RAB22A: variants seen among roughly 807,000 people sequenced by gnomAD.
RAB22A encodes the protein RAB22A, member RAS oncogene family.
In RAB22A, 13 loss-of-function variants were observed where a neutral mutation model predicts 30.2. The ratio of observed to expected loss-of-function variants is 0.43; its 90% CI spans 0.28 to 0.68. The LOEUF (loss-of-function observed/expected upper bound fraction) is 0.68, where lower values mean the gene tolerates loss of function less well. RAB22A is among the 30% of genes least tolerant of loss of function. The pLI, the probability that RAB22A is intolerant of heterozygous loss-of-function variation, is 0.18. For missense variants in RAB22A, 177 were observed against 246.8 expected (o/e 0.72, Z 1.89); for synonymous variants, 89 against 87.2 (o/e 1.02, Z -0.11).
chr20:58,313,876 C>G (rs1986281109), intron 2 of RAB22A, among the ~76,000 whole-genome samples: 1 of 152,106 alleles, frequency 6.6e-6, no homozygotes, highest in Admixed American at 6.6e-5. Context: ...CAATGACCAA[C>G]TTGAATAGTT....
intron 2 of RAB22A, among the ~76,000 whole-genome samples, chr20:58,339,591 TGAA>T (rs1986820677): frequency 1.3e-5 from 2 of 152,054 alleles, no homozygotes; most frequent in African/African-American, 4.8e-5. Context: ...AAATATAAAA[TGAA>T]GAACCAGACA....
rs191326797 is a variant in RAB22A, at chr20:58,332,941, A to C, written c.117-10777A>C. 1.1e-4 allele frequency among the ~76,000 whole-genome samples: 17 copies of C among 152,194 alleles called. No homozygotes were observed. In the East Asian group the frequency reaches 3.3e-3, roughly 29 times the overall value. On this transcript the variant is annotated intron_variant, in intron 2 of 6. Coordinates refer to ENST00000244040, the MANE Select transcript of RAB22A (RefSeq NM_020673.3). ...TCTGACTTTTCAGCACAAACAGTGG[A>C]GGTCAGAGTATAATGATACAGCATC...
intron 2 of RAB22A, among the ~76,000 whole-genome samples, chr20:58,316,061 T>C (rs1013453778): frequency 6.6e-6 from 1 of 152,180 alleles, no homozygotes; most frequent in African/African-American, 2.4e-5. Context: ...CATGCTATTC[T>C]CTCTCAGGGC....
intron 3 of RAB22A, among the ~76,000 whole-genome samples, chr20:58,344,039 GTAAATGC>G (rs1184563143): frequency 1.3e-5 from 2 of 152,196 alleles, no homozygotes; most frequent in African/African-American, 4.8e-5. Context: ...GTGTCTTAAA[GTAAATGC>G]TGACCAACAG....
At chr20:58,334,332 T>A (rs1986709297) in intron 2 of RAB22A, among the ~76,000 whole-genome samples, 1 of 143,370 alleles carries the variant, frequency 7.0e-6, no homozygotes, top group Non-Finnish European at 1.5e-5. Flanking sequence ...CGAAAGTCCA[T>A]CTCAAAAAAA....
chr20:58,330,878 A>G (rs1986650631), intron 2 of RAB22A, among the ~76,000 whole-genome samples: 1 of 152,120 alleles, frequency 6.6e-6, no homozygotes, highest in Non-Finnish European at 1.5e-5. Flanking sequence ...ACTCCTTGGC[A>G]TCTCCCCAGT....
intron 2 of RAB22A, among the ~76,000 whole-genome samples, chr20:58,338,035 A>AT (rs926754636): frequency 2.1e-4 from 31 of 150,122 alleles, no homozygotes; most frequent in Middle Eastern, 3.4e-3. Flanking sequence ...ATTTTTTTTT[A>AT]TTTTTTTTTG....
rs569346668 is a variant in RAB22A, at chr20:58,360,218, G to A, written c.*515G>A. ...AAATGGGTTATTTATAGGACTGATG[G>A]AAATGATTTCATCTCTGCCATCTCT... On this transcript the variant is annotated 3_prime_UTR_variant, in exon 7 of 7. Coordinates refer to ENST00000244040, the MANE Select transcript of RAB22A (RefSeq NM_020673.3). 6.6e-6 allele frequency: 1 copy of A among 152,614 alleles called. No individual in the cohort carries two copies. The highest frequency in any genetic ancestry group is 2.4e-5 in the African/African-American group (1 of 41,498). The allele number at this position is 152,614 out of a possible 1,614,324, so 9.5% of individuals were successfully genotyped here. A position where few individuals can be genotyped will look rare whatever the true frequency, so the allele number is the denominator to read the frequency against.
At chr20:58,353,186 G>A in intron 3 of RAB22A, 87 bp from the exon 4 acceptor site, 1 of 1,198,184 alleles carries the variant, frequency 8.3e-7, no homozygotes, top group Non-Finnish European at 1.2e-6. Context: ...ATTACTTTTT[G>A]TGCAGGGATA....
intron 2 of RAB22A, among the ~76,000 whole-genome samples, chr20:58,318,371 C>T (rs1986385068): frequency 1.3e-5 from 2 of 152,250 alleles, no homozygotes; most frequent in South Asian, 4.1e-4. Context: ...TTTTTCGTAA[C>T]ATGCATGCAC....
intron 2 of RAB22A, among the ~76,000 whole-genome samples, chr20:58,334,367 C>T (rs908840177): frequency 6.6e-6 from 1 of 151,562 alleles, no homozygotes; most frequent in Non-Finnish European, 1.5e-5. Context: ...TTTTAAGAAG[C>T]TGAATACTGC....
At chr20:58,346,669 A>G (rs1198619220) in intron 3 of RAB22A, among the ~76,000 whole-genome samples, 1 of 152,154 alleles carries the variant, frequency 6.6e-6, no homozygotes, top group African/African-American at 2.4e-5. Context: ...ACCTACCTTC[A>G]TTGACAGAAT....
Position 58,343,736 on chromosome 20 carries a change from G to A in RAB22A, c.135G>A (p.Lys45=). The change falls in exon 3 of 7, where the codon AAG becomes AAA. Residue 45 remains lysine, a synonymous_variant. Transcript: ENST00000244040. Reference sequence around the variant, plus strand: ...TTTATAGGGCATCTTTTATGACCAAGACTGTCCAGTACCAAAATGAGCTAC... The same window carrying A: ...TTTATAGGGCATCTTTTATGACCAAAACTGTCCAGTACCAAAATGAGCTAC... ...NPTIGASFMT[K]TVQYQNELHK... The A allele has an allele frequency of 1.2e-6, 2 of 1,610,468 alleles. No homozygotes were observed. The highest frequency in any genetic ancestry group is 1.3e-5 in the African/African-American group (1 of 74,934).
At chr20:58,329,006 G>A (rs1419898481) in intron 2 of RAB22A, among the ~76,000 whole-genome samples, 4 of 151,638 alleles carry the variant, frequency 2.6e-5, no homozygotes, top group Non-Finnish European at 5.9e-5. Flanking sequence ...CTGGTGACAA[G>A]ATCGCCTCGG....
At chr20:58,340,461 A>G (rs993197940) in intron 2 of RAB22A, among the ~76,000 whole-genome samples, 7 of 152,178 alleles carry the variant, frequency 4.6e-5, no homozygotes, top group African/African-American at 1.4e-4. Context: ...CTGCATTTCA[A>G]TAGTACTTCT....
rs1987272593 is a variant in RAB22A at position 58,363,973 on chromosome 20, A to C, written c.*4270A>C. On this transcript the variant is annotated 3_prime_UTR_variant, in exon 7 of 7. Transcript: ENST00000244040. ...CTCTGCGAATTTCTCTTGACAGCGG[A>C]GTTGCTTGTCTTGACTTCTAATAAT... 1 of 152,662 alleles carries C rather than the reference A, an allele frequency of 6.6e-6. No homozygotes were observed. Among genetic ancestry groups the C allele is most frequent in the South Asian group, 2.1e-4 (1 of 4,838 alleles). 9.5% of individuals were successfully genotyped at this position (152,662 alleles called of 1,614,324 possible). A position where few individuals can be genotyped will look rare whatever the true frequency, so the allele number is the denominator to read the frequency against.
chr20:58,318,765 A>G lies in RAB22A; in HGVS notation c.116+7643A>G, dbSNP rs114512424. On this transcript the variant is annotated intron_variant, in intron 2 of 6. Transcript: ENST00000244040. ...TGCCCTCCCTCCATCTTTCCATTAA[A>G]GTTCTCTCATTGGGAGTCAATGTGC... Among the ~76,000 whole-genome samples, 1,413 of 152,186 alleles carry G rather than the reference A, an allele frequency of 9.3e-3. 21 individuals are homozygous for G. The highest frequency in any genetic ancestry group is 0.031 in the Middle Eastern group (9 of 294).
In RAB22A at chr20:58,316,017, A is replaced by G. The variant is rs574923275; in HGVS notation, c.116+4895A>G. Among the ~76,000 whole-genome samples the G allele has an allele frequency of 1.7e-4, 26 of 152,194 alleles. No homozygotes were observed. In the East Asian group the frequency reaches 1.7e-3, roughly 10 times the overall value. On this transcript the variant is annotated intron_variant, in intron 2 of 6. Transcript: ENST00000244040. ...GCTCACTTCCTCCCCAGCACACACC[A>G]AGCAGCACCCGTTCCACACCTGGGT... is the stretch of plus-strand genomic sequence containing the variant.
intron 2 of RAB22A, among the ~76,000 whole-genome samples, chr20:58,323,795 T>C (rs1046571774): frequency 6.6e-5 from 10 of 151,860 alleles, no homozygotes; most frequent in Admixed American, 1.3e-4. Flanking sequence ...TTTTGTTTGC[T>C]GGGATCTTTG....
Sources: allele counts gnomAD v4.1 joint callset (sites outside exome capture counted in the v4.1 genomes callset), GRCh38; gene constraint gnomAD v4.1.1; transcripts MANE v1.5; gene names NCBI Gene and HGNC (gene_info 2026-07-23, HGNC 2026-07-21).